Variants in ZNF248 observed in about 807,000 individuals in gnomAD.
ZNF248 encodes the protein KRAB protein domain.
Under a neutral mutation model 44.3 loss-of-function variants are expected in ZNF248, and 20 were observed. The observed-to-expected ratio is 0.45, with a 90% CI of 0.32 to 0.66. ZNF248 has a LOEUF of 0.66. Among genes scored for constraint, ZNF248 ranks in the 30% least tolerant of loss-of-function variants. ZNF248 has a pLI of 0.04. For missense variants in ZNF248, 654 were observed against 677.0 expected (o/e 0.97, Z 0.38); for synonymous variants, 224 against 229.0 (o/e 0.98, Z 0.20).
intron 3 of ZNF248, among the ~76,000 whole-genome samples, chr10:37,839,048 C>T (rs1444882702): frequency 1.3e-5 from 2 of 152,136 alleles, no homozygotes; most frequent in Non-Finnish European, 2.9e-5. Flanking sequence ...AAGAACGGCT[C>T]ACTAAGCCTG....
In ZNF248 at chr10:37,831,954, A is replaced by G. The variant is rs141219322; in HGVS notation, c.1401T>C (p.Asn467=). ...TGTGGCAGAAGGATTTCCCACATGCATTACATTCATAGGGCTTCTCCCCTG... is the reference window on the plus strand; with the variant it reads ...TGTGGCAGAAGGATTTCCCACATGCGTTACATTCATAGGGCTTCTCCCCTG... ...THTGEKPYEC[N]ACGKSFCHRS... is the part of the protein sequence containing the mutation. Residue 467 remains asparagine (N), a synonymous_variant, in exon 6 of 6, where the codon AAT becomes AAC. Transcript: ENST00000395867. 2.5e-3 allele frequency: 4,099 copies of G among 1,614,060 alleles called. 20 individuals carry two copies. The highest frequency in any genetic ancestry group is 2.4e-3 in the Non-Finnish European group (2,780 of 1,179,956).
chr10:37,832,424 C>G lies in ZNF248; in HGVS notation c.931G>C (p.Ala311Pro), dbSNP rs1408777836. The G allele has an allele frequency of 6.2e-7, 1 of 1,613,976 alleles. No individual in the cohort carries two copies. Among genetic ancestry groups the G allele is most frequent in the East Asian group, 2.2e-5 (1 of 44,868 alleles). Residue 311 changes from alanine (A) to proline (P), a missense_variant, in exon 6 of 6, where the codon GCT (alanine) becomes CCT (proline). By Grantham distance (27) the Ala-to-Pro change is conservative (BLOSUM62 -1). Coordinates refer to ENST00000395867, the MANE Select transcript of ZNF248 (RefSeq NM_021045.3). ...TAAGCTCCCTGATGGATAATGAAAGCTGAATTGTCACAGAAGATTTCCCCA... is the reference window on the plus strand; with the variant it reads ...TAAGCTCCCTGATGGATAATGAAAGGTGAATTGTCACAGAAGATTTCCCCA... ...EYGEIFCDNS[A>P]FIIHQGAYTR... is the part of the protein sequence containing the mutation.
chr10:37,789,979 G>A (rs894795436), intron 6 of ZNF248, among the ~76,000 whole-genome samples: 5 of 151,836 alleles, frequency 3.3e-5, no homozygotes, highest in Non-Finnish European at 5.9e-5. Flanking sequence ...AACCTGCCTG[G>A]GGCCGGGCGC....
At chr10:37,837,122 T>G (rs1040102873) in intron 5 of ZNF248, among the ~76,000 whole-genome samples, 5 of 152,050 alleles carry the variant, frequency 3.3e-5, no homozygotes, top group African/African-American at 1.2e-4. Context: ...TTTTGTTTGT[T>G]TGTTTGTTTT....
chr10:37,765,842 GA>G, the ZNF248 span, among the ~76,000 whole-genome samples: 1 of 152,226 alleles, frequency 6.6e-6, no homozygotes. Flanking sequence ...AGGGATCAGG[GA>G]GTTCCCTTTC....
chr10:37,781,086 C>T (rs925694131), intron 6 of ZNF248, among the ~76,000 whole-genome samples: 1 of 152,140 alleles, frequency 6.6e-6, no homozygotes, highest in African/African-American at 2.4e-5. Context: ...AAATTCTTGT[C>T]TACCCAGAAC....
chr10:37,811,718 C>T (rs189059733), intron 6 of ZNF248, among the ~76,000 whole-genome samples: 72 of 150,950 alleles, frequency 4.8e-4, no homozygotes, highest in Non-Finnish European at 8.4e-4. Context: ...TGGTGGCATG[C>T]CCCTGTAGTC....
chr10:37,837,655 C>G lies in ZNF248; in HGVS notation c.200G>C (p.Trp67Ser), dbSNP rs1307612520. ...IFKIEQGEEP[W>S]ILEKGFPSQC... is the part of the protein sequence containing the mutation. ...GCTTGGGAATCCTTTTTCTAATATC[C>G]AGGGCTCTTCTCCTTGCTCGATCTT... The change falls in exon 5 of 6, where the codon TGG (tryptophan) becomes TCG (serine). Residue 67 changes from tryptophan to serine, a missense_variant. Coordinates refer to ENST00000395867, the MANE Select transcript of ZNF248 (RefSeq NM_021045.3). 6.2e-7 allele frequency: 1 copy of G among 1,614,018 alleles called. No individual in the cohort carries two copies. The highest frequency in any genetic ancestry group is 1.7e-5 in the Admixed American group (1 of 59,992).
intron 5 of ZNF248, among the ~76,000 whole-genome samples, chr10:37,836,424 T>G (rs574177217): frequency 6.6e-6 from 1 of 152,264 alleles, no homozygotes; most frequent in East Asian, 1.9e-4. Context: ...CCTACCAGTC[T>G]CCACCATGCC....
At chr10:37,767,267 T>C in the ZNF248 span, among the ~76,000 whole-genome samples, 17 of 152,154 alleles carry the variant, frequency 1.1e-4, no homozygotes, top group South Asian at 3.3e-3. Flanking sequence ...TCAGGAAATA[T>C]AGAGAACGCC....
At chr10:37,853,800 A>C (rs2060764759) in intron 3 of ZNF248, among the ~76,000 whole-genome samples, 1 of 152,250 alleles carries the variant, frequency 6.6e-6, no homozygotes, top group African/African-American at 2.4e-5. Flanking sequence ...TAAACAAAAA[A>C]AAATGACGAA....
chr10:37,824,672 A>ATTTTTTTTTTTTTTTTTTTT (rs1564542451), downstream of ZNF248, among the ~76,000 whole-genome samples: 2 of 61,296 alleles, frequency 3.3e-5, no homozygotes, highest in Admixed American at 2.1e-4. Flanking sequence ...AATTATTTTA[A>ATTTTTTTTTTTTTTTTTTTT]ATTTTTTTTT....
intron 3 of ZNF248, among the ~76,000 whole-genome samples, chr10:37,843,384 C>T (rs2058698258): frequency 1.3e-5 from 2 of 149,732 alleles, no homozygotes; most frequent in Admixed American, 1.3e-4. Context: ...GAGATTGCAC[C>T]GCTGCACTCC....
intron 3 of ZNF248, 52 bp from the exon 4 acceptor site, chr10:37,838,163 A>G: frequency 6.5e-7 from 1 of 1,541,372 alleles, no homozygotes; most frequent in East Asian, 2.3e-5. Context: ...GATGATACAG[A>G]AAAGATTTAA....
downstream of ZNF248, among the ~76,000 whole-genome samples, chr10:37,775,950 T>C (rs1483436346): frequency 6.6e-6 from 1 of 152,200 alleles, no homozygotes; most frequent in African/African-American, 2.4e-5. Flanking sequence ...ATTTACAAAC[T>C]GGATGAGTCT....
At chr10:37,820,472 T>C (rs1027474926) in intron 6 of ZNF248, 48 of 1,595,606 alleles carry the variant, frequency 3.0e-5, no homozygotes, top group Non-Finnish European at 3.9e-5. Flanking sequence ...GAGGGGCTGT[T>C]CTACTTGTCA....
intron 6 of ZNF248, among the ~76,000 whole-genome samples, chr10:37,807,191 G>C (rs570488468): frequency 6.6e-6 from 1 of 151,968 alleles, no homozygotes; most frequent in South Asian, 2.1e-4. Context: ...AATGGTCTTG[G>C]TACCCGTGTC....
downstream of ZNF248, among the ~76,000 whole-genome samples, chr10:37,827,172 G>T (rs1343537596): frequency 1.3e-5 from 2 of 152,140 alleles, no homozygotes; most frequent in East Asian, 1.9e-4. Context: ...CTGTTTTAAG[G>T]GATGTTATCA....
chr10:37,765,870 G>T, the ZNF248 span, among the ~76,000 whole-genome samples: 77 of 152,228 alleles, frequency 5.1e-4, no homozygotes, highest in Non-Finnish European at 1.0e-3. Flanking sequence ...AAAGAAAGGG[G>T]TGACAGATGG....
Sources: allele counts gnomAD v4.1 joint callset (sites outside exome capture counted in the v4.1 genomes callset), GRCh38; gene constraint gnomAD v4.1.1; transcripts MANE v1.5; gene names NCBI Gene and HGNC (gene_info 2026-07-23, HGNC 2026-07-21).